DZIP3: variants seen among roughly 807,000 people sequenced by gnomAD.
DZIP3 encodes the protein E3 ubiquitin-protein ligase DZIP3.
In DZIP3, 118 loss-of-function variants were observed where a neutral mutation model predicts 162.0. The observed-to-expected ratio is 0.73, with a 90% CI of 0.63 to 0.85. DZIP3 has a LOEUF of 0.85. DZIP3 is among the 40% of genes least tolerant of loss of function. The pLI is 0.00. For missense variants in DZIP3, 1,331 were observed against 1,407.0 expected (o/e 0.95, Z 0.86); for synonymous variants, 438 against 458.6 (o/e 0.96, Z 0.57).
chr3:108,672,471 T>C, intron 22 of DZIP3, 89 bp from the exon 23 acceptor site: 2 of 1,075,590 alleles, frequency 1.9e-6, no homozygotes, highest in Non-Finnish European at 2.8e-6. Flanking sequence ...TCCTACTGAT[T>C]GTATAACTTA....
intron 16 of DZIP3, 39 bp from the exon 17 acceptor site, chr3:108,648,879 T>C (rs1942744988): frequency 2.8e-6 from 3 of 1,076,928 alleles, no homozygotes; most frequent in Admixed American, 6.8e-5. Flanking sequence ...ATTGGGCAAT[T>C]TGAATTACAT....
chr3:108,591,271 G>C (rs564307272), intron 1 of DZIP3, among the ~76,000 whole-genome samples: 2 of 152,308 alleles, frequency 1.3e-5, no homozygotes, highest in African/African-American at 2.4e-5. Context: ...GGTCCTATAC[G>C]GTCTTGGAGA....
intron 26 of DZIP3, among the ~76,000 whole-genome samples, chr3:108,681,281 A>C (rs1206648353): frequency 2.0e-5 from 3 of 152,200 alleles, no homozygotes; most frequent in Non-Finnish European, 4.4e-5. Context: ...ATATGAACAG[A>C]CACTTCTCAA....
intron 4 of DZIP3, among the ~76,000 whole-genome samples, chr3:108,614,097 A>T (rs1940869306): frequency 6.6e-6 from 1 of 152,234 alleles, no homozygotes; most frequent in African/African-American, 2.4e-5. Flanking sequence ...GCAAATTAAA[A>T]GCACTTGAAA....
intron 9 of DZIP3, 93 bp from the exon 10 acceptor site, chr3:108,634,778 T>C: frequency 1.7e-6 from 1 of 596,278 alleles, no homozygotes; most frequent in Non-Finnish European, 2.7e-6. Context: ...TCTATCTAAT[T>C]ATAGAATAAT....
chr3:108,618,741 G>A (rs561312150), intron 5 of DZIP3, among the ~76,000 whole-genome samples: 1 of 152,188 alleles, frequency 6.6e-6, no homozygotes, highest in South Asian at 2.1e-4. Context: ...CATGCAAGGT[G>A]AGAGTATACA....
intron 1 of DZIP3, among the ~76,000 whole-genome samples, chr3:108,596,139 A>G (rs1401530644): frequency 2.0e-5 from 3 of 152,172 alleles, no homozygotes; most frequent in Non-Finnish European, 4.4e-5. Context: ...CCAAATAACA[A>G]ATCACCTCAA....
chr3:108,640,740 G>A (rs1313869576), intron 12 of DZIP3, among the ~76,000 whole-genome samples: 5 of 152,120 alleles, frequency 3.3e-5, no homozygotes, highest in South Asian at 2.1e-4. Flanking sequence ...CACCATGCTC[G>A]GCCTTAACAT....
intron 18 of DZIP3, among the ~76,000 whole-genome samples, chr3:108,651,373 G>A (rs1442038780): frequency 6.6e-6 from 1 of 151,564 alleles, no homozygotes. Flanking sequence ...ATTTGCTTTG[G>A]AAGAATAGAA....
intron 1 of DZIP3, among the ~76,000 whole-genome samples, chr3:108,594,361 G>GT: frequency 6.6e-6 from 1 of 150,542 alleles, no homozygotes. Flanking sequence ...GTACACCTAG[G>GT]TTTTTAAAAG....
chr3:108,634,865 T>C lies in DZIP3; in HGVS notation c.817-6T>C. 6.3e-7 allele frequency: 1 copy of C among 1,591,362 alleles called. No homozygotes were observed. Among genetic ancestry groups the C allele is most frequent in the Non-Finnish European group, 8.6e-7 (1 of 1,166,016 alleles). ...TTATTGATAACTTACTTTTATTTTTTTCCAGGGATTTTTTCAGTTAATGTG... is the reference window on the plus strand; with the variant it reads ...TTATTGATAACTTACTTTTATTTTTCTCCAGGGATTTTTTCAGTTAATGTG... On this transcript the variant is annotated splice_polypyrimidine_tract_variant and splice_region_variant and intron_variant, in intron 9 of 32. Transcript: ENST00000361582.
intron 9 of DZIP3, 47 bp downstream of exon 9, chr3:108,633,119 AT>A: frequency 1.0e-6 from 1 of 1,000,996 alleles, no homozygotes; most frequent in East Asian, 3.6e-5. Flanking sequence ...TAATTGAAAA[AT>A]TATATATAAC....
At chr3:108,611,457 A>G in intron 4 of DZIP3, 128 bp downstream of exon 4, 1 of 1,149,102 alleles carries the variant, frequency 8.7e-7, no homozygotes, top group Non-Finnish European at 1.2e-6. Flanking sequence ...TACTTCTTGT[A>G]AAGGGCTTTG....
At chr3:108,625,554 C>T (rs991429084) in intron 6 of DZIP3, among the ~76,000 whole-genome samples, 2 of 152,096 alleles carry the variant, frequency 1.3e-5, no homozygotes, top group African/African-American at 2.4e-5. Context: ...ACCACCATGC[C>T]TAATTGCCAG....
chr3:108,605,575 C>A, intron 2 of DZIP3, 137 bp downstream of exon 2: 2 of 843,936 alleles, frequency 2.4e-6, no homozygotes, highest in Non-Finnish European at 3.7e-6. Flanking sequence ...ATTAGATTCT[C>A]ACAAGGAGTG....
In DZIP3 at chr3:108,687,982, A is replaced by G. The variant is rs78216842; in HGVS notation, c.3156A>G (p.Glu1052=). 3.4e-3 allele frequency: 5,543 copies of G among 1,613,484 alleles called. 175 individuals carry two copies. The African/African-American group carries it at 0.066, about 19-fold the overall frequency. Residue 1052 remains glutamate (E), a synonymous_variant, in exon 29 of 33, where the codon GAA becomes GAG. Transcript: ENST00000361582. The stretch of plus-strand genomic sequence containing the variant: ...TTTCCTTGATCTCTTGCAGAAAGGA[A>G]CTTACAGATTTCTTACGGAAATTGA... ...KTAFPQQTRK[E]LTDFLRKLKD...
In DZIP3 at chr3:108,662,635, A is replaced by G. The variant is rs533212625; in HGVS notation, c.2423+378A>G. Reference sequence around the variant, plus strand: ...CAAGGAATCAGTTGAGTGTATTTTTATGTTGGTCTTTCATTTGTGTTCTAA... The same window carrying G: ...CAAGGAATCAGTTGAGTGTATTTTTGTGTTGGTCTTTCATTTGTGTTCTAA... On this transcript the variant is annotated intron_variant, in intron 21 of 32. Coordinates refer to ENST00000361582, the MANE Select transcript of DZIP3 (RefSeq NM_014648.4). 2.6e-5 allele frequency among the ~76,000 whole-genome samples: 4 copies of G among 152,290 alleles called. No individual in the cohort carries two copies. In the South Asian group the frequency reaches 8.3e-4, roughly 32 times the overall value.
At chr3:108,631,053 A>ACTCTCT (rs1559741298) in intron 8 of DZIP3, among the ~76,000 whole-genome samples, 60 of 32,282 alleles carry the variant, frequency 1.9e-3, no homozygotes, top group African/African-American at 2.5e-3. Context: ...ACACACACAC[A>ACTCTCT]CACTCTCTCT....
intron 6 of DZIP3, among the ~76,000 whole-genome samples, chr3:108,624,769 C>T (rs1321201097): frequency 2.0e-5 from 3 of 151,944 alleles, no homozygotes; most frequent in Non-Finnish European, 4.4e-5. Flanking sequence ...TGGTTTTAAT[C>T]GTATCCCTTT....
Sources: gnomAD v4.1 joint callset for allele counts (sites outside exome capture counted in the v4.1 genomes callset) on GRCh38, gnomAD v4.1.1 for gene constraint, MANE v1.5 for transcripts, NCBI Gene and HGNC (gene_info 2026-07-23, HGNC 2026-07-21) for gene names.